Variants in NUAK2 observed in about 807,000 individuals in gnomAD.
The protein encoded by NUAK2 is NUAK family SNF1-like kinase 2.
In NUAK2, 20 loss-of-function variants were observed where a neutral mutation model predicts 29.8. The ratio of observed to expected loss-of-function variants is 0.67; its 90% confidence interval spans 0.47 to 0.98. NUAK2 has a LOEUF of 0.98. Ranked by LOEUF, NUAK2 falls within the 50% of genes least tolerant of loss-of-function variation. The pLI is 0.00. For missense variants in NUAK2, 719 were observed against 834.5 expected, an observed-to-expected ratio of 0.86 and a Z score of 1.71; for synonymous variants, 331 against 342.6, an observed-to-expected ratio of 0.97 and a Z score of 0.37.
rs1359668870 is a variant in NUAK2, at chr1:205,308,443, C to T, written c.504+138G>A. Reference sequence around the variant, plus strand: ...CTCAAAGTCAGAGACACTGACATTTCCCTGAGAGTCCAGAATCTAGTTTTG... The same window carrying T: ...CTCAAAGTCAGAGACACTGACATTTTCCTGAGAGTCCAGAATCTAGTTTTG... On this transcript the variant is annotated intron_variant, in intron 3 of 6. Coordinates refer to ENST00000367157, the MANE Select transcript of NUAK2 (RefSeq NM_030952.3). This position sits in a 1 kb window ranked among gnomAD's most constrained non-coding sequence, Gnocchi z 4.1. The T allele has an allele frequency of 1.0e-5, 10 of 986,296 alleles. No homozygotes were observed. Among genetic ancestry groups the T allele is most frequent in the Non-Finnish European group, 1.5e-5 (10 of 653,330 alleles). The allele number at this position is 986,296 out of a possible 1,614,324, so 61.1% of individuals were successfully genotyped here. A position where few individuals can be genotyped will look rare whatever the true frequency, so the allele number is the denominator to read the frequency against.
At chr1:205,312,022 T>C (rs965193153) in intron 1 of NUAK2, among the ~76,000 whole-genome samples, 197 bp from the exon 2 acceptor site, 1 of 152,196 alleles carries the variant, frequency 6.6e-6, no homozygotes, top group Non-Finnish European at 1.5e-5. Context: ...CTGAGCTGAG[T>C]GCACATGGTC....
In NUAK2 at chr1:205,303,330, C is replaced by T; in HGVS notation, c.*120G>A. On this transcript the variant is annotated 3_prime_UTR_variant, in exon 7 of 7. Transcript: ENST00000367157. ...GCCCTGCTCAGGGCTCCACTGCAAA[C>T]CCTCTCAGCCTTCTGAGCTGGGATG... 1 of 873,294 alleles carries T rather than the reference C, an allele frequency of 1.1e-6. No homozygotes were observed. The highest frequency in any genetic ancestry group is 1.7e-6 in the Non-Finnish European group (1 of 584,854). The allele number at this position is 873,294 out of a possible 1,614,324, so 54.1% of individuals were successfully genotyped here.
chr1:205,318,890 T>C (rs1327373429), intron 1 of NUAK2, among the ~76,000 whole-genome samples: 2 of 152,204 alleles, frequency 1.3e-5, no homozygotes, highest in Non-Finnish European at 2.9e-5. Context: ...GATAATCCCA[T>C]CTAGGCAGGT....
In NUAK2 at chr1:205,308,813, C is replaced by T; in HGVS notation, c.353-81G>A. On this transcript the variant is annotated intron_variant, in intron 2 of 6. Transcript: ENST00000367157. The surrounding 1 kb of genome is among the most constrained non-coding windows in gnomAD (Gnocchi z 4.1). ...TGGGGGTGACTCACTCCTCCCCGAC[C>T]CCAGGCCCCAAACCAGACAGGACCC... The T allele has an allele frequency of 6.6e-7, 1 of 1,524,814 alleles. No homozygotes were observed. Among genetic ancestry groups the T allele is most frequent in the Non-Finnish European group, 9.0e-7 (1 of 1,115,832 alleles). The allele number at this position is 1,524,814 out of a possible 1,614,324, so 94.5% of individuals were successfully genotyped here.
chr1:205,316,979 G>A (rs1414393925), intron 1 of NUAK2, among the ~76,000 whole-genome samples: 1 of 152,170 alleles, frequency 6.6e-6, no homozygotes, highest in Non-Finnish European at 1.5e-5. Flanking sequence ...ATGGTGCCTG[G>A]AGAAGCTTCC....
rs1013339962 is a variant in NUAK2, at chr1:205,321,269, G to A, written c.231+129C>T. 6.3e-6 allele frequency: 5 copies of A among 788,488 alleles called. No homozygotes were observed. The Admixed American group carries it at 1.6e-4, about 26-fold the overall frequency. 48.8% of individuals were successfully genotyped at this position (788,488 alleles called of 1,614,324 possible). On this transcript the variant is annotated intron_variant, in intron 1 of 6. Transcript: ENST00000367157. ...GGGACACCCCGCAGTAGCCCCGCAA[G>A]CTCAGCGCGGTAAAGACCACGCTGG...
At chr1:205,305,498 C>T (rs1662167474) in intron 5 of NUAK2, 167 bp from the exon 6 acceptor site, 13 of 985,322 alleles carry the variant, frequency 1.3e-5, no homozygotes, top group Admixed American at 6.1e-5. Flanking sequence ...ATCGCATTTC[C>T]TGCGAGGGAC....
Position 205,303,310 on chromosome 1 carries a change from G to T in NUAK2, c.*140C>A. ...TTGCCTACTTCCCATATCCAGCCCT[G>T]CTCAGGGCTCCACTGCAAACCCTCT... On this transcript the variant is annotated 3_prime_UTR_variant, in exon 7 of 7. Transcript: ENST00000367157. 1.5e-6 allele frequency: 1 copy of T among 671,380 alleles called. No homozygotes were observed. The highest frequency in any genetic ancestry group is 2.4e-6 in the Non-Finnish European group (1 of 413,864). 41.6% of individuals were successfully genotyped at this position (671,380 alleles called of 1,614,324 possible). A position where few individuals can be genotyped will look rare whatever the true frequency, so the allele number is the denominator to read the frequency against.
chr1:205,314,790 C>T (rs1213298260), intron 1 of NUAK2, among the ~76,000 whole-genome samples: 1 of 152,134 alleles, frequency 6.6e-6, no homozygotes, highest in Non-Finnish European at 1.5e-5. Context: ...TACGCATAGG[C>T]ACATCTTGGA....
At chr1:205,314,200 G>A (rs756665458) in intron 1 of NUAK2, among the ~76,000 whole-genome samples, 2 of 152,236 alleles carry the variant, frequency 1.3e-5, no homozygotes, top group East Asian at 1.9e-4. Flanking sequence ...CAGGGATGGC[G>A]TGCCCTCCAT....
In NUAK2 at chr1:205,308,665, G is replaced by T; in HGVS notation, c.420C>A (p.Tyr140Ter). The change falls in exon 3 of 7, where the codon TAC becomes TAA. Residue 140 changes from tyrosine (Y) to a stop codon, truncating the protein, a stop_gained. Transcript: ENST00000367157. LOFTEE classifies it high-confidence loss of function. The surrounding 1 kb of genome is among the most constrained non-coding windows in gnomAD (Gnocchi z 4.1). ...EYASRGDLYD[Y>*]ISERQQLSER... Reference sequence around the variant, plus strand: ...CACTGAGCTGCTGCCGCTCGCTGATGTAGTCATAAAGGTCGCCCCGGCTGG... The same window carrying T: ...CACTGAGCTGCTGCCGCTCGCTGATTTAGTCATAAAGGTCGCCCCGGCTGG... 6.2e-7 allele frequency: 1 copy of T among 1,614,122 alleles called. No homozygotes were observed. Among genetic ancestry groups the T allele is most frequent in the Non-Finnish European group, 8.5e-7 (1 of 1,180,028 alleles).
At chr1:205,317,623 G>A (rs1209985101) in intron 1 of NUAK2, among the ~76,000 whole-genome samples, 1 of 152,172 alleles carries the variant, frequency 6.6e-6, no homozygotes, top group Non-Finnish European at 1.5e-5. Context: ...GCTGGGCAAG[G>A]AGCTTCCCTG....
In NUAK2 at chr1:205,304,325, G is replaced by T. The variant is rs1159362081; in HGVS notation, c.1012C>A (p.Arg338Ser). Residue 338 changes from arginine to serine, a missense_variant, in exon 7 of 7, where the codon CGT becomes AGT. By Grantham distance (110) the Arg-to-Ser change is moderately radical (BLOSUM62 -1). This residue lies in a region of NUAK2 where 430 missense variants were observed against 465.7 expected (regional missense o/e 0.92). Coordinates refer to ENST00000367157, the MANE Select transcript of NUAK2 (RefSeq NM_030952.3). This position sits in a 1 kb window ranked among gnomAD's most constrained non-coding sequence, Gnocchi z 6.5. ...TTCTCCAGGAGGGGGCGGGAGGAAC[G>T]CCGGAGCCAGTCAGCCATGGAGGCG... The part of the protein sequence containing the change: ...ARASMADWLR[R>S]SSRPLLENGA... 2 of 1,609,640 alleles carry T rather than the reference G, an allele frequency of 1.2e-6. No homozygotes were observed. The highest frequency in any genetic ancestry group is 3.3e-5 in the Admixed American group (2 of 59,802).
chr1:205,304,397 G>C lies in NUAK2; in HGVS notation c.940C>G (p.Gln314Glu). 1 of 1,605,794 alleles carries C rather than the reference G, an allele frequency of 6.2e-7. No homozygotes were observed. The highest frequency in any genetic ancestry group is 1.3e-5 in the African/African-American group (1 of 74,930). ...NWGYATRVGE[Q>E]EAPHEGGHPG... ...TGCCCACCCTCATGCGGAGCCTCCTGCTCTCCCACTCGGGTGGCGTAGCCC... is the reference window on the plus strand; with the variant it reads ...TGCCCACCCTCATGCGGAGCCTCCTCCTCTCCCACTCGGGTGGCGTAGCCC... The change falls in exon 7 of 7, where the codon CAG becomes GAG. Residue 314 changes from glutamine to glutamate, a missense_variant. By Grantham distance (29) the Gln-to-Glu change is conservative. Around this residue, in one of 3 missense-constraint regions of NUAK2, gnomAD observed 430 missense variants for 465.7 expected, o/e 0.92. Transcript: ENST00000367157. This position sits in a 1 kb window ranked among gnomAD's most constrained non-coding sequence, Gnocchi z 6.5.
chr1:205,318,738 G>A (rs1662363842), intron 1 of NUAK2, among the ~76,000 whole-genome samples: 1 of 152,222 alleles, frequency 6.6e-6, no homozygotes, highest in South Asian at 2.1e-4. Flanking sequence ...GGAGCTGGGT[G>A]AGTCCCAGGA....
At position 205,321,624 on chromosome 1, in the gene NUAK2, T is replaced by A; in HGVS notation, c.5A>T (p.Glu2Val). 2 of 1,608,918 alleles carry A rather than the reference T, an allele frequency of 1.2e-6. No individual in the cohort carries two copies. The highest frequency in any genetic ancestry group is 1.7e-6 in the Non-Finnish European group (2 of 1,179,382). The change falls in exon 1 of 7, where the codon GAG becomes GTG. Residue 2 changes from glutamate (E) to valine (V), a missense_variant. Around this residue, in one of 3 missense-constraint regions of NUAK2, gnomAD observed 283 missense variants for 345.6 expected, o/e 0.82. Transcript: ENST00000367157. ...GGAGCGCCGCGCGAAAACCAGCGAC[T>A]CCATGGCGAGCAGGAGGTGAGCAAG... M[E>V]SLVFARRSGP...
rs940673163 is a variant in NUAK2, at chr1:205,308,870, C to T, written c.353-138G>A. 33 of 934,752 alleles carry T rather than the reference C, an allele frequency of 3.5e-5. 1 individual carries two copies. Among genetic ancestry groups the T allele is most frequent in the South Asian group, 1.6e-4 (10 of 61,600 alleles). The allele number at this position is 934,752 out of a possible 1,614,324, so 57.9% of individuals were successfully genotyped here. On this transcript the variant is annotated intron_variant, in intron 2 of 6. Transcript: ENST00000367157. The surrounding 1 kb of genome is among the most constrained non-coding windows in gnomAD (Gnocchi z 4.1). ...AGGAATATCTGCTAATGGGGCTATA[C>T]GGTGGCAAATAAGGGCAGAAGAAGG...
At chr1:205,316,560 G>A (rs538815828) in intron 1 of NUAK2, among the ~76,000 whole-genome samples, 2 of 152,310 alleles carry the variant, frequency 1.3e-5, no homozygotes, top group African/African-American at 4.8e-5. Context: ...AGGTGGGCTA[G>A]GGAGGGGCAA....
Position 205,306,255 on chromosome 1 carries a change from G to A in NUAK2, c.623C>T (p.Thr208Ile). 1.2e-6 allele frequency: 2 copies of A among 1,613,960 alleles called. No individual in the cohort carries two copies. The highest frequency in any genetic ancestry group is 1.7e-6 in the Non-Finnish European group (2 of 1,179,910). Reference sequence around the variant, plus strand: ...GGCATAGAGGGGGCTCCCACAGAATGTCTGCAGGAACTTGCCTTGATGGTA... The same window carrying A: ...GGCATAGAGGGGGCTCCCACAGAATATCTGCAGGAACTTGCCTTGATGGTA... ...NLYHQGKFLQ[T>I]FCGSPLYASP... The change falls in exon 5 of 7, where the codon ACA becomes ATA. Residue 208 changes from threonine (T) to isoleucine (I), a missense_variant. Around this residue, in one of 3 missense-constraint regions of NUAK2, gnomAD observed 283 missense variants for 345.6 expected, o/e 0.82. Transcript: ENST00000367157.
Sources: allele counts gnomAD v4.1 joint callset (sites outside exome capture counted in the v4.1 genomes callset), GRCh38; gene constraint gnomAD v4.1.1; regional missense constraint gnomAD v4.1.1; non-coding constraint Gnocchi (gnomAD v3.1); transcripts MANE v1.5; gene names NCBI Gene and HGNC (gene_info 2026-07-23, HGNC 2026-07-21).